C1QTNF1: variants seen among roughly 807,000 people sequenced by gnomAD.
The protein encoded by C1QTNF1 is complement C1q tumor necrosis factor-related protein 1.
C1QTNF1 carries 22 observed loss-of-function variants against 27.8 expected under a neutral mutation model. The ratio of observed to expected loss-of-function variants is 0.79; its 90% confidence interval spans 0.56 to 1.13. The LOEUF (loss-of-function observed/expected upper bound fraction) is 1.13. Ranked by LOEUF, C1QTNF1 falls within the 50% of genes most tolerant of loss-of-function variation. The pLI is 0.00. For missense variants in C1QTNF1, 373 were observed against 380.2 expected (o/e 0.98, Z 0.16); for synonymous variants, 166 against 154.3 (o/e 1.08, Z -0.56).
At chr17:79,037,789 C>A (rs1307449065) in intron 1 of C1QTNF1, among the ~76,000 whole-genome samples, 2 of 152,042 alleles carry the variant, frequency 1.3e-5, no homozygotes, top group Non-Finnish European at 2.9e-5. Flanking sequence ...CTACCTCAGT[C>A]TCTTGAGCAG....
rs904755379 is a variant in C1QTNF1 at position 79,032,842 on chromosome 17, G to A, written c.-15+8348G>A. Reference sequence around the variant, plus strand: ...AGCACTTTAGGAGGCCGAGGCGGGTGGATCGCTTTGAGGTTAGGAGTTCGA... The same window carrying A: ...AGCACTTTAGGAGGCCGAGGCGGGTAGATCGCTTTGAGGTTAGGAGTTCGA... On this transcript the variant is annotated intron_variant, in intron 1 of 3. Transcript: ENST00000579760. Among the ~76,000 whole-genome samples, 13 of 152,186 alleles carry A rather than the reference G, an allele frequency of 8.5e-5. No individual in the cohort carries two copies. The South Asian group carries it at 2.3e-3, about 27-fold the overall frequency.
At chr17:79,040,964 T>C (rs567839646) in intron 1 of C1QTNF1, among the ~76,000 whole-genome samples, 10 of 152,182 alleles carry the variant, frequency 6.6e-5, no homozygotes, top group African/African-American at 2.2e-4. Context: ...ACATATCTGC[T>C]ACAGTCATGA....
rs377712808 is a variant in C1QTNF1, at chr17:79,044,636, T to C, written c.155+513T>C. On this transcript the variant is annotated intron_variant, in intron 2 of 3. Transcript: ENST00000579760. ...CCAAGTGTCGGCTTCCCTTGAAAGG[T>C]TGTGAAGGACTCTGGATGGCCTTCG... is the stretch of plus-strand genomic sequence containing the variant. Among the ~76,000 whole-genome samples the C allele has an allele frequency of 5.3e-5, 8 of 152,110 alleles. No individual in the cohort carries two copies. The South Asian group carries it at 8.3e-4, about 16-fold the overall frequency.
In C1QTNF1 at chr17:79,045,153, G is replaced by A. The variant is rs2072534923; in HGVS notation, c.155+1030G>A. 2.0e-5 allele frequency among the ~76,000 whole-genome samples: 3 copies of A among 152,152 alleles called. No individual in the cohort carries two copies. The South Asian group carries it at 6.2e-4, about 32-fold the overall frequency. On this transcript the variant is annotated intron_variant, in intron 2 of 3. Transcript: ENST00000579760. ...AGGAAGACTGAAAGGAGTGAACTAG[G>A]TCTTGAAGGACACCTGCGGGCCTCC...
At chr17:79,039,994 C>T (rs1367344532) in intron 1 of C1QTNF1, among the ~76,000 whole-genome samples, 1 of 151,948 alleles carries the variant, frequency 6.6e-6, no homozygotes, top group African/African-American at 2.4e-5. Flanking sequence ...AGAGGAAATA[C>T]AGAAATGGAG....
chr17:79,037,286 C>A (rs1195156806), intron 1 of C1QTNF1, among the ~76,000 whole-genome samples: 2 of 152,136 alleles, frequency 1.3e-5, no homozygotes, highest in African/African-American at 4.8e-5. Context: ...CGTGCCACCA[C>A]GCCCAGCTAA....
At chr17:79,030,475 CTT>C (rs1428319858) in intron 1 of C1QTNF1, among the ~76,000 whole-genome samples, 1 of 109,054 alleles carries the variant, frequency 9.2e-6, no homozygotes, top group Admixed American at 9.3e-5. Flanking sequence ...TTCTTTCTTT[CTT>C]TCTTTCTTTT....
In C1QTNF1 at chr17:79,044,023, G is replaced by A; in HGVS notation, c.55G>A (p.Ala19Thr). The change falls in exon 2 of 4, where the codon GCC becomes ACC. Residue 19 changes from alanine (A) to threonine (T), a missense_variant. Transcript: ENST00000579760. ...LLAYCLLLAF[A>T]SGLVLSRVPH... ...GGCGTACTGCCTGCTCCTTGCCTTTGCCTCTGGCCTGGTCCTGAGTCGTGT... is the reference window on the plus strand; with the variant it reads ...GGCGTACTGCCTGCTCCTTGCCTTTACCTCTGGCCTGGTCCTGAGTCGTGT... 1 of 1,614,194 alleles carries A rather than the reference G, an allele frequency of 6.2e-7. No individual in the cohort carries two copies. The highest frequency in any genetic ancestry group is 8.5e-7 in the Non-Finnish European group (1 of 1,180,024).
At chr17:79,037,732 G>A (rs140963395) in intron 1 of C1QTNF1, among the ~76,000 whole-genome samples, 3,573 of 152,184 alleles carry the variant, frequency 0.023, 117 homozygotes, top group African/African-American at 0.081. Context: ...GCAGTGGTGC[G>A]ATCATGGCTT....
At chr17:79,043,856 T>C in intron 1 of C1QTNF1, 99 bp from the exon 2 acceptor site, 1 of 1,362,708 alleles carries the variant, frequency 7.3e-7, no homozygotes, top group Non-Finnish European at 1.0e-6. Flanking sequence ...GGGAAGCACC[T>C]CCGATTTCCA....
intron 1 of C1QTNF1, among the ~76,000 whole-genome samples, chr17:79,035,767 G>T (rs1425720779): frequency 6.6e-6 from 1 of 152,148 alleles, no homozygotes; most frequent in Non-Finnish European, 1.5e-5. Context: ...ACTAGATGTG[G>T]GATAAAGTCC....
intron 3 of C1QTNF1, chr17:79,047,097 C>T (rs547720402): frequency 6.4e-4 from 157 of 244,190 alleles, no homozygotes; most frequent in Non-Finnish European, 1.1e-3. Context: ...CCCGTGAAAT[C>T]GAACTGGAAA....
At chr17:79,025,088 T>C (rs1451934949) in intron 1 of C1QTNF1, 1 of 152,284 alleles carries the variant, frequency 6.6e-6, no homozygotes, top group African/African-American at 2.4e-5. Context: ...ACGGTGTTGC[T>C]TCCCCGGGGC....
At chr17:79,042,218 G>A (rs62063354) in intron 1 of C1QTNF1, among the ~76,000 whole-genome samples, 19,493 of 152,246 alleles carry the variant, frequency 0.13, 1,569 homozygotes, top group African/African-American at 0.22. Context: ...GGAGGTTTTC[G>A]GCCCACCTGA....
At chr17:79,033,842 TGAA>T (rs1433846129) in intron 1 of C1QTNF1, among the ~76,000 whole-genome samples, 1 of 152,130 alleles carries the variant, frequency 6.6e-6, no homozygotes, top group Non-Finnish European at 1.5e-5. Flanking sequence ...ACCCCATGGC[TGAA>T]GAAGAGGGCA....
At chr17:79,043,547 G>T in intron 1 of C1QTNF1, 2 of 435,922 alleles carry the variant, frequency 4.6e-6, no homozygotes, top group South Asian at 3.3e-5. Context: ...TCATTGTTGA[G>T]ACTGTGCATG....
At chr17:79,044,917 C>T (rs1363976187) in intron 2 of C1QTNF1, among the ~76,000 whole-genome samples, 6 of 152,246 alleles carry the variant, frequency 3.9e-5, no homozygotes, top group Admixed American at 3.9e-4. Context: ...CTTTCTTCCT[C>T]TCCCTCCTCT....
In C1QTNF1 at chr17:79,049,190, A is replaced by G. The variant is rs1317193779; in HGVS notation, c.*1102A>G. The G allele has an allele frequency of 6.6e-6, 1 of 152,336 alleles. No homozygotes were observed. Among genetic ancestry groups the G allele is most frequent in the Non-Finnish European group, 1.5e-5 (1 of 68,152 alleles). The allele number at this position is 152,336 out of a possible 1,614,324, so 9.4% of individuals were successfully genotyped here. On this transcript the variant is annotated 3_prime_UTR_variant, in exon 4 of 4. Transcript: ENST00000579760. This position sits in a 1 kb window ranked among gnomAD's most constrained non-coding sequence, Gnocchi z 4.4. ...GCCCTCATCCAGGCCTCTGACCAGTAGCCTGAGAGGGGCTTTTTCTAGGCT... is the reference window on the plus strand; with the variant it reads ...GCCCTCATCCAGGCCTCTGACCAGTGGCCTGAGAGGGGCTTTTTCTAGGCT...
chr17:79,043,820 C>T (rs765455805), intron 1 of C1QTNF1, 135 bp from the exon 2 acceptor site: 2 of 911,562 alleles, frequency 2.2e-6, no homozygotes, highest in East Asian at 2.5e-5. Flanking sequence ...TGTGTAACTG[C>T]AGCATTTCCC....
Sources: gnomAD v4.1 joint callset for allele counts (sites outside exome capture counted in the v4.1 genomes callset) on GRCh38, gnomAD v4.1.1 for gene constraint, Gnocchi (gnomAD v3.1) non-coding constraint, MANE v1.5 for transcripts, NCBI Gene and HGNC (gene_info 2026-07-23, HGNC 2026-07-21) for gene names.